Variants in SLC6A18 observed in about 807,000 individuals in gnomAD.
SLC6A18 encodes the protein solute carrier family 6 member 18.
Under a neutral mutation model 62.9 loss-of-function variants are expected in SLC6A18, and 58 were observed. That is an observed-to-expected ratio of 0.92 (90% CI 0.75 to 1.15). SLC6A18 has a LOEUF of 1.15. Among genes scored for constraint, SLC6A18 ranks in the 50% most tolerant of loss-of-function variants. SLC6A18 has a pLI of 0.00. For synonymous variants in SLC6A18, 382 were observed against 365.8 expected (o/e 1.04, Z -0.51); for missense variants, 793 against 836.6 (o/e 0.95, Z 0.64).
intron 1 of SLC6A18, among the ~76,000 whole-genome samples, chr5:1,227,517 CTG>C (rs1336686588): frequency 1.3e-5 from 2 of 152,260 alleles, no homozygotes; most frequent in African/African-American, 4.8e-5. Context: ...CTTTGTCTCG[CTG>C]TGAGGATCAC....
intron 3 of SLC6A18, 51 bp downstream of exon 3, chr5:1,232,939 A>T (rs1165334971): frequency 1.3e-6 from 2 of 1,565,802 alleles, no homozygotes; most frequent in Non-Finnish European, 1.7e-6. Context: ...CGAGAGAGGC[A>T]TGTGCTGCAG....
At chr5:1,237,387 T>A (rs1056512423) in intron 4 of SLC6A18, among the ~76,000 whole-genome samples, 1 of 151,984 alleles carries the variant, frequency 6.6e-6, no homozygotes, top group Admixed American at 6.6e-5. Context: ...CTACAGCTGA[T>A]GAGAAGTGGG....
chr5:1,235,133 A>T (rs1235934137), intron 3 of SLC6A18, among the ~76,000 whole-genome samples: 1 of 152,210 alleles, frequency 6.6e-6, no homozygotes, highest in African/African-American at 2.4e-5. Flanking sequence ...CTCTCCGTCC[A>T]GTGCTCCTGT....
chr5:1,232,317 G>T lies in SLC6A18; in HGVS notation c.259G>T (p.Val87Phe). Residue 87 changes from valine (V) to phenylalanine (F), a missense_variant, in exon 2 of 12, where the codon GTC becomes TTC. Physicochemically the swap from Val to Phe is conservative, Grantham distance 50. Transcript: ENST00000324642. The part of the protein sequence containing the change: ...AIGQRLRKGS[V>F]GVWTAISPYL... ...CGGCCAGCGGCTGCGGAAGGGCAGC[G>T]TCGGCGTGTGGACGGCCATCTCCCC... The T allele has an allele frequency of 1.2e-6, 2 of 1,612,152 alleles. No homozygotes were observed. Among genetic ancestry groups the T allele is most frequent in the South Asian group, 2.2e-5 (2 of 90,750 alleles).
In SLC6A18 at chr5:1,243,832, G is replaced by C; in HGVS notation, c.1336+73G>C. The C allele has an allele frequency of 4.3e-6, 6 of 1,405,684 alleles. No homozygotes were observed. Among genetic ancestry groups the C allele is most frequent in the Non-Finnish European group, 4.8e-6 (5 of 1,045,288 alleles). The allele number at this position is 1,405,684 out of a possible 1,614,324, so 87.1% of individuals were successfully genotyped here. ...ACTGTCCACTCCCGCCCGCTGTCCA[G>C]ACGCCCCTCCTGGATGGAGAGCGCA... is the stretch of plus-strand genomic sequence containing the variant. On this transcript the variant is annotated intron_variant, in intron 9 of 11. Transcript: ENST00000324642. This position sits in a 1 kb window ranked among gnomAD's most constrained non-coding sequence, Gnocchi z 6.5.
intron 1 of SLC6A18, among the ~76,000 whole-genome samples, chr5:1,226,911 GCCAATGCCTTGCCCA>G (rs1746585347): frequency 6.6e-6 from 1 of 151,980 alleles, no homozygotes; most frequent in Non-Finnish European, 1.5e-5. Flanking sequence ...CGCCTTGTTC[GCCAATGCCTTGCCCA>G]CCGATGCCTT....
intron 11 of SLC6A18, 72 bp downstream of exon 11, chr5:1,244,839 C>A (rs73034557): frequency 0.016 from 23,806 of 1,493,448 alleles, 572 homozygotes; most frequent in African/African-American, 0.11. Flanking sequence ...ACGGTGCCAT[C>A]CGGTGCCCGA....
intron 1 of SLC6A18, among the ~76,000 whole-genome samples, chr5:1,226,769 G>A (rs904896906): frequency 8.5e-5 from 13 of 152,144 alleles, no homozygotes; most frequent in Non-Finnish European, 1.5e-4. Flanking sequence ...GGGCAGAGGC[G>A]TCCCTGGCTC....
chr5:1,231,665 C>T (rs1237748298), intron 1 of SLC6A18, among the ~76,000 whole-genome samples: 1 of 152,214 alleles, frequency 6.6e-6, no homozygotes, highest in Non-Finnish European at 1.5e-5. Context: ...AGCCAGACCT[C>T]CTCCGGTGAC....
intron 1 of SLC6A18, 109 bp downstream of exon 1, chr5:1,225,746 C>A: frequency 7.4e-7 from 1 of 1,346,560 alleles, no homozygotes; most frequent in South Asian, 1.4e-5. Context: ...CAGAGTCACT[C>A]CTCCTGGAAA....
chr5:1,242,280 T>G (rs955407837), intron 7 of SLC6A18, among the ~76,000 whole-genome samples: 2 of 152,192 alleles, frequency 1.3e-5, no homozygotes, highest in African/African-American at 4.8e-5. Context: ...CCCGGCAGTG[T>G]GCATGGAGTA....
At position 1,243,719 on chromosome 5, in the gene SLC6A18, G is replaced by T; in HGVS notation, c.1296G>T (p.Val432=). 1 of 1,613,380 alleles carries T rather than the reference G, an allele frequency of 6.2e-7. No homozygotes were observed. The highest frequency in any genetic ancestry group is 8.5e-7 in the Non-Finnish European group (1 of 1,179,814). Residue 432 remains valine, a synonymous_variant, in exon 9 of 12, where the codon GTG becomes GTT. Coordinates refer to ENST00000324642, the MANE Select transcript of SLC6A18 (RefSeq NM_182632.3). The surrounding 1 kb of genome is among the most constrained non-coding windows in gnomAD (Gnocchi z 6.5). ...CGGTCATCACACCCCTGCTGGACGTGGGGGTCCTGCCTAGATGGGTCCCCA... is the reference window on the plus strand; with the variant it reads ...CGGTCATCACACCCCTGCTGGACGTTGGGGTCCTGCCTAGATGGGTCCCCA... ...VEAVITPLLD[V]GVLPRWVPKE... is the part of the protein sequence containing the mutation.
At chr5:1,245,094 C>T (rs560229534) in intron 11 of SLC6A18, among the ~76,000 whole-genome samples, 2 of 152,318 alleles carry the variant, frequency 1.3e-5, no homozygotes, top group African/African-American at 4.8e-5. Context: ...GATGTGGCTT[C>T]ATCCTCCCTG....
chr5:1,236,360 C>A (rs929182949), intron 4 of SLC6A18, among the ~76,000 whole-genome samples: 5 of 152,160 alleles, frequency 3.3e-5, no homozygotes, highest in African/African-American at 1.2e-4. Context: ...AGGCTTTGCG[C>A]TATTGTTGTC....
chr5:1,229,362 A>G (rs1183868219), intron 1 of SLC6A18, among the ~76,000 whole-genome samples: 2 of 151,950 alleles, frequency 1.3e-5, no homozygotes, highest in Admixed American at 1.3e-4. Flanking sequence ...AATACAGCAG[A>G]TTCAGCTTCC....
Position 1,243,548 on chromosome 5 carries a change from A to G in SLC6A18, c.1132-7A>G. 1 of 1,612,810 alleles carries G rather than the reference A, an allele frequency of 6.2e-7. No homozygotes were observed. On this transcript the variant is annotated splice_polypyrimidine_tract_variant and splice_region_variant and intron_variant, in intron 8 of 11. Transcript: ENST00000324642. This position sits in a 1 kb window ranked among gnomAD's most constrained non-coding sequence, Gnocchi z 6.5. ...TGGCCTGAAGCCCGGGGCTCCGTGT[A>G]TTGCAGAGTGCCTCGGGCCCGGGCC...
chr5:1,231,891 C>T lies in SLC6A18; in HGVS notation c.161-328C>T, dbSNP rs532996319. On this transcript the variant is annotated intron_variant, in intron 1 of 11. Coordinates refer to ENST00000324642, the MANE Select transcript of SLC6A18 (RefSeq NM_182632.3). ...AGCCCCCAGGAAAAGGCAGGTGCCT[C>T]AAACAATGCTGGTCCCTCAGCAAAC... 7.9e-5 allele frequency among the ~76,000 whole-genome samples: 12 copies of T among 152,280 alleles called. No homozygotes were observed. In the East Asian group the frequency reaches 2.3e-3, roughly 29 times the overall value.
intron 1 of SLC6A18, among the ~76,000 whole-genome samples, chr5:1,226,632 C>T (rs1205800388): frequency 1.3e-5 from 2 of 152,170 alleles, no homozygotes; most frequent in Non-Finnish European, 2.9e-5. Context: ...AAGAAACACC[C>T]GTCACTGCCA....
intron 3 of SLC6A18, among the ~76,000 whole-genome samples, chr5:1,234,129 C>G (rs1746824605): frequency 6.6e-6 from 1 of 152,194 alleles, no homozygotes; most frequent in African/African-American, 2.4e-5. Context: ...AGCGATCCTC[C>G]TGCTTCAGCC....
Sources: gnomAD v4.1 joint callset for allele counts (sites outside exome capture counted in the v4.1 genomes callset) on GRCh38, gnomAD v4.1.1 for gene constraint, Gnocchi (gnomAD v3.1) non-coding constraint, MANE v1.5 for transcripts, NCBI Gene and HGNC (gene_info 2026-07-23, HGNC 2026-07-21) for gene names.